SHANK2: variants seen among roughly 807,000 people sequenced by gnomAD.
SHANK2 encodes SH3 and multiple ankyrin repeat domains 2, also known as SH3 and multiple ankyrin repeat domains protein 2.
SHANK2 carries 43 observed loss-of-function variants against 133.7 expected under a neutral mutation model. The observed-to-expected ratio is 0.32, with a 90% confidence interval of 0.25 to 0.41. The LOEUF (loss-of-function observed/expected upper bound fraction) is 0.41. Among genes scored for constraint, SHANK2 ranks in the 10% least tolerant of loss-of-function variants. SHANK2 has a pLI of 1.00. For missense variants in SHANK2, 1,994 were observed against 2,235.8 expected, an observed-to-expected ratio of 0.89 and a Z score of 2.18; for synonymous variants, 1,017 against 952.8, an observed-to-expected ratio of 1.07 and a Z score of -1.24.
At chr11:70,812,279 C>G (rs190219292) in intron 12 of SHANK2, among the ~76,000 whole-genome samples, 4 of 152,346 alleles carry the variant, frequency 2.6e-5, no homozygotes, top group East Asian at 3.9e-4. Flanking sequence ...AACAGGAAAG[C>G]CTTATTTCTT....
chr11:70,630,982 G>C (rs1555001948), intron 17 of SHANK2: 2 of 152,284 alleles, frequency 1.3e-5, no homozygotes, highest in Non-Finnish European at 2.9e-5. Context: ...CGGGGCCTGG[G>C]GACCGGACAG....
At chr11:70,548,274 A>G (rs11236601) in intron 17 of SHANK2, among the ~76,000 whole-genome samples, 28,083 of 152,252 alleles carry the variant, frequency 0.18, 2,986 homozygotes, top group East Asian at 0.39. Flanking sequence ...GATCTTTCTG[A>G]AAAGAGCCTC....
At chr11:71,062,996 CAAAAAA>C (rs1169050698) in intron 9 of SHANK2, among the ~76,000 whole-genome samples, 442 of 69,756 alleles carry the variant, frequency 6.3e-3, no homozygotes, top group African/African-American at 0.023. Context: ...GACCCTGTCT[CAAAAAA>C]AAAAAAAAAA....
intron 4 of SHANK2, among the ~76,000 whole-genome samples, chr11:71,113,917 T>C (rs10792477): frequency 0.29 from 44,578 of 152,104 alleles, 7,563 homozygotes; most frequent in East Asian, 0.55. Flanking sequence ...ATTACATCAC[T>C]GCATGAACCA....
At chr11:70,568,652 C>CCCT (rs1248567918) in intron 17 of SHANK2, among the ~76,000 whole-genome samples, 1 of 128,542 alleles carries the variant, frequency 7.8e-6, no homozygotes, top group Admixed American at 7.6e-5. Flanking sequence ...TCCTGCCCCC[C>CCCT]CCGCCCACTT....
intron 2 of SHANK2, among the ~76,000 whole-genome samples, chr11:71,183,661 G>A (rs984410745): frequency 8.5e-5 from 13 of 152,174 alleles, no homozygotes; most frequent in Admixed American, 3.9e-4. Flanking sequence ...GCTGTAAGGA[G>A]AGAGATGACT....
chr11:70,814,795 C>G (rs1948355089), intron 12 of SHANK2, among the ~76,000 whole-genome samples: 1 of 152,220 alleles, frequency 6.6e-6, no homozygotes, highest in African/African-American at 2.4e-5. Flanking sequence ...TGAGCTGACC[C>G]CACCCAAGCA....
At chr11:70,483,507 TG>T (rs57885400) in intron 25 of SHANK2, among the ~76,000 whole-genome samples, 2,890 of 125,320 alleles carry the variant, frequency 0.023, 99 homozygotes, top group African/African-American at 0.085. Flanking sequence ...GAGACCAGCC[TG>T]GGACACATGG....
intron 11 of SHANK2, among the ~76,000 whole-genome samples, chr11:70,880,731 A>T (rs1188676403): frequency 6.6e-6 from 1 of 152,200 alleles, no homozygotes; most frequent in African/African-American, 2.4e-5. Flanking sequence ...CCTCACCAGA[A>T]CCTCTGCCCC....
chr11:70,502,425 T>G (rs1201261375), intron 18 of SHANK2, 139 bp from the exon 19 acceptor site: 1 of 785,688 alleles, frequency 1.3e-6, no homozygotes, highest in Admixed American at 2.3e-5. Context: ...GCAGGTGTGC[T>G]TATGATGGGA....
intron 22 of SHANK2, among the ~76,000 whole-genome samples, chr11:70,491,169 C>T (rs992147758): frequency 2.0e-5 from 3 of 152,228 alleles, no homozygotes; most frequent in Admixed American, 1.3e-4. Context: ...AAGGCCAACC[C>T]GGGAAAATAT....
At chr11:70,840,612 A>G (rs549978814) in intron 11 of SHANK2, among the ~76,000 whole-genome samples, 4 of 152,300 alleles carry the variant, frequency 2.6e-5, no homozygotes, top group Admixed American at 2.6e-4. Flanking sequence ...GTCCACAAAT[A>G]AAAGGGCACA....
chr11:70,570,756 C>T (rs12285102), intron 17 of SHANK2: 106,146 of 152,000 alleles, frequency 0.7, 37,448 homozygotes, highest in South Asian at 0.85. Context: ...TGTCATAGAC[C>T]GAGGCCCTCT....
intron 17 of SHANK2, among the ~76,000 whole-genome samples, chr11:70,591,541 A>C (rs2060321049): frequency 9.1e-6 from 1 of 109,836 alleles, no homozygotes; most frequent in Non-Finnish European, 1.9e-5. Flanking sequence ...TTTTCTTAAA[A>C]AAGAAAAAGA....
chr11:70,765,914 G>T (rs184625356), intron 14 of SHANK2, among the ~76,000 whole-genome samples: 171 of 152,294 alleles, frequency 1.1e-3, no homozygotes, highest in African/African-American at 3.9e-3. Flanking sequence ...TCTGTACGGG[G>T]TGAGCACCTT....
intron 14 of SHANK2, among the ~76,000 whole-genome samples, chr11:70,711,101 C>T (rs1430300821): frequency 6.6e-6 from 1 of 152,222 alleles, no homozygotes; most frequent in Admixed American, 6.5e-5. Flanking sequence ...AACTCTCACT[C>T]TTCACTCTTC....
intron 9 of SHANK2, among the ~76,000 whole-genome samples, chr11:71,059,704 A>C (rs1275839549): frequency 6.6e-6 from 1 of 152,190 alleles, no homozygotes; most frequent in African/African-American, 2.4e-5. Flanking sequence ...CCTCTCCGGC[A>C]GCTAAGAGTG....
chr11:70,587,263 C>T (rs2060266481), intron 17 of SHANK2, among the ~76,000 whole-genome samples: 1 of 152,226 alleles, frequency 6.6e-6, no homozygotes. Context: ...TGAAGCAATG[C>T]ACTTGCCAGT....
intron 2 of SHANK2, among the ~76,000 whole-genome samples, chr11:71,215,388 C>G (rs1375868832): frequency 6.6e-6 from 1 of 152,206 alleles, no homozygotes; most frequent in Non-Finnish European, 1.5e-5. Context: ...TTGTGTCTCC[C>G]ATGAAGCCTT....
Sources: gnomAD v4.1 joint callset for allele counts (sites outside exome capture counted in the v4.1 genomes callset) on GRCh38, gnomAD v4.1.1 for gene constraint, MANE v1.5 for transcripts, NCBI Gene and HGNC (gene_info 2026-07-23, HGNC 2026-07-21) for gene names.